The following PCP4 variants were observed in gnomAD, a reference collection of about 807,000 sequenced individuals.
PCP4 encodes the protein calmodulin regulator protein PCP4.
PCP4 carries 8 observed loss-of-function variants against 10.0 expected under a neutral mutation model. That is an observed-to-expected ratio of 0.80 (90% CI 0.47 to 1.45). The LOEUF (loss-of-function observed/expected upper bound fraction) is 1.45. PCP4 is among the 40% of genes most tolerant of loss of function. The pLI is 0.00. For synonymous variants in PCP4, 21 were observed against 23.0 expected (o/e 0.91, Z 0.24); for missense variants, 54 against 74.4 (o/e 0.73, Z 1.01).
At chr21:39,879,235 T>A (rs2087360342) in intron 1 of PCP4, among the ~76,000 whole-genome samples, 1 of 152,074 alleles carries the variant, frequency 6.6e-6, no homozygotes, top group African/African-American at 2.4e-5. Flanking sequence ...GTGATCTGCT[T>A]GCCTCGGCCT....
At chr21:39,902,195 AAAC>A (rs1313817505) in intron 2 of PCP4, among the ~76,000 whole-genome samples, 1 of 152,232 alleles carries the variant, frequency 6.6e-6, no homozygotes, top group Non-Finnish European at 1.5e-5. Flanking sequence ...AGTATTAAAA[AAAC>A]CATCAAAATG....
chr21:39,874,459 C>T (rs914696999), intron 1 of PCP4, among the ~76,000 whole-genome samples: 3 of 152,120 alleles, frequency 2.0e-5, no homozygotes, highest in African/African-American at 7.2e-5. Context: ...CATCTGTTCC[C>T]GTAGCACCAC....
chr21:39,874,869 C>A (rs1253060652), intron 1 of PCP4, among the ~76,000 whole-genome samples: 1 of 152,092 alleles, frequency 6.6e-6, no homozygotes, highest in Non-Finnish European at 1.5e-5. Context: ...CTTTTTCCAT[C>A]CGATAATACC....
At chr21:39,890,567 C>T (rs1285678916) in intron 1 of PCP4, among the ~76,000 whole-genome samples, 1 of 151,506 alleles carries the variant, frequency 6.6e-6, no homozygotes, top group East Asian at 1.9e-4. Flanking sequence ...CGGGTTTTCA[C>T]CATGTTGGCC....
At chr21:39,917,976 T>C (rs931633313) in intron 2 of PCP4, among the ~76,000 whole-genome samples, 2 of 152,072 alleles carry the variant, frequency 1.3e-5, no homozygotes, top group Non-Finnish European at 2.9e-5. Context: ...GATCCTCATG[T>C]GAGGACACAG....
At chr21:39,890,534 T>A (rs2087424967) in intron 1 of PCP4, among the ~76,000 whole-genome samples, 1 of 150,814 alleles carries the variant, frequency 6.6e-6, no homozygotes, top group African/African-American at 2.4e-5. Flanking sequence ...TTTTTTTTTT[T>A]TAATTTTCAT....
intron 2 of PCP4, among the ~76,000 whole-genome samples, chr21:39,901,766 T>C (rs1247969876): frequency 1.3e-5 from 2 of 152,240 alleles, no homozygotes; most frequent in Non-Finnish European, 2.9e-5. Context: ...TGTATAAATG[T>C]AAATTATTAT....
At chr21:39,925,446 G>A (rs2087615960) in intron 2 of PCP4, among the ~76,000 whole-genome samples, 2 of 152,232 alleles carry the variant, frequency 1.3e-5, no homozygotes, top group South Asian at 4.1e-4. Context: ...TACTGTGTGT[G>A]TGCGCTGGAT....
At chr21:39,880,198 C>CTATATCTATA (rs1218974505) in intron 1 of PCP4, among the ~76,000 whole-genome samples, 12 of 142,334 alleles carry the variant, frequency 8.4e-5, no homozygotes, top group African/African-American at 3.4e-4. Flanking sequence ...CTATCTATAT[C>CTATATCTATA]TATTCCCTGT....
At chr21:39,908,277 G>A (rs1213790355) in intron 2 of PCP4, among the ~76,000 whole-genome samples, 3 of 152,076 alleles carry the variant, frequency 2.0e-5, no homozygotes, top group Non-Finnish European at 2.9e-5. Flanking sequence ...CCCTGTGAAG[G>A]TTAATGTGTG....
At chr21:39,875,615 T>C (rs2087341346) in intron 1 of PCP4, among the ~76,000 whole-genome samples, 1 of 152,244 alleles carries the variant, frequency 6.6e-6, no homozygotes, top group Non-Finnish European at 1.5e-5. Flanking sequence ...TTGTGGTTGC[T>C]CTAACAACAA....
chr21:39,893,001 G>A (rs571793620), intron 1 of PCP4, among the ~76,000 whole-genome samples: 3 of 152,238 alleles, frequency 2.0e-5, no homozygotes, highest in South Asian at 4.2e-4. Context: ...AATTGAACTC[G>A]TAGACACGGA....
chr21:39,927,935 T>A (rs1337805094), intron 2 of PCP4, among the ~76,000 whole-genome samples: 1 of 152,108 alleles, frequency 6.6e-6, no homozygotes, highest in Non-Finnish European at 1.5e-5. Context: ...GAGTCTGGGG[T>A]GAGACCCTCA....
intron 1 of PCP4, among the ~76,000 whole-genome samples, chr21:39,878,957 C>T (rs1291482605): frequency 6.6e-6 from 1 of 151,532 alleles, no homozygotes; most frequent in Non-Finnish European, 1.5e-5. Flanking sequence ...GATATTTTAC[C>T]TCTTCTTGAA....
At chr21:39,873,046 G>A (rs765670807) in intron 1 of PCP4, among the ~76,000 whole-genome samples, 7 of 152,192 alleles carry the variant, frequency 4.6e-5, no homozygotes, top group South Asian at 2.1e-4. Context: ...AGCAAGGGAC[G>A]TAGAATTCTA....
chr21:39,908,075 G>A (rs1221263161), intron 2 of PCP4, among the ~76,000 whole-genome samples: 1 of 152,078 alleles, frequency 6.6e-6, no homozygotes, highest in African/African-American at 2.4e-5. Flanking sequence ...AAGACAAAGT[G>A]GGAATGATTT....
chr21:39,926,456 C>T (rs1276635238), intron 2 of PCP4, among the ~76,000 whole-genome samples: 1 of 149,672 alleles, frequency 6.7e-6, no homozygotes. Flanking sequence ...ATTCCAGCAA[C>T]ATTTTACATT....
chr21:39,927,665 C>T (rs2087631459), intron 2 of PCP4, among the ~76,000 whole-genome samples: 1 of 152,180 alleles, frequency 6.6e-6, no homozygotes, highest in African/African-American at 2.4e-5. Context: ...CAGGGCTGGC[C>T]TCCTCTGCTC....
intron 1 of PCP4, among the ~76,000 whole-genome samples, chr21:39,890,521 C>T (rs1319895145): frequency 8.5e-6 from 1 of 117,854 alleles, no homozygotes; most frequent in Non-Finnish European, 1.8e-5. Context: ...CCACCCAGCT[C>T]ATTTTTTTTT....
Sources: gnomAD v4.1 joint callset for allele counts (sites outside exome capture counted in the v4.1 genomes callset) on GRCh38, gnomAD v4.1.1 for gene constraint, MANE v1.5 for transcripts, NCBI Gene and HGNC (gene_info 2026-07-23, HGNC 2026-07-21) for gene names.